The following RBFOX1 variants were observed in gnomAD, a reference collection of about 807,000 sequenced individuals.
RBFOX1 encodes the protein RNA binding protein fox-1 homolog 1.
RBFOX1 carries 8 observed loss-of-function variants against 57.7 expected under a neutral mutation model. That is an observed-to-expected ratio of 0.14 (90% CI 0.08 to 0.25). The LOEUF (loss-of-function observed/expected upper bound fraction) is 0.25. Among genes scored for constraint, RBFOX1 ranks in the 10% least tolerant of loss-of-function variants. The pLI is 1.00. For synonymous variants in RBFOX1, 326 were observed against 222.4 expected (o/e 1.47, Z -4.15); for missense variants, 611 against 548.5 (o/e 1.11, Z -1.14).
rs533240786 is a variant in RBFOX1, at chr16:6,650,620, C to T, written c.-63-3983C>T. Among the ~76,000 whole-genome samples, 13 of 152,294 alleles carry T rather than the reference C, an allele frequency of 8.5e-5. No individual in the cohort carries two copies. In the South Asian group the frequency reaches 1.2e-3, roughly 15 times the overall value. On this transcript the variant is annotated intron_variant, in intron 2 of 15. Coordinates refer to ENST00000550418, the MANE Select transcript of RBFOX1 (RefSeq NM_018723.4). Reference sequence around the variant, plus strand: ...AAAGAGGTATTTAATCATTGCTCACCGGTTCAGTCCCACTTGACTGATAGG... The same window carrying T: ...AAAGAGGTATTTAATCATTGCTCACTGGTTCAGTCCCACTTGACTGATAGG...
At chr16:7,025,531 A>T (rs994254968) in intron 3 of RBFOX1, among the ~76,000 whole-genome samples, 1 of 152,142 alleles carries the variant, frequency 6.6e-6, no homozygotes, top group African/African-American at 2.4e-5. Context: ...CTCTGGTTCA[A>T]ACACCTCTGA....
Position 7,188,341 on chromosome 16 carries a change from T to C in RBFOX1, c.27+136243T>C, listed in dbSNP as rs143778561. Among the ~76,000 whole-genome samples, 24 of 152,322 alleles carry C rather than the reference T, an allele frequency of 1.6e-4. 1 individual carries two copies. The East Asian group carries it at 3.1e-3, about 20-fold the overall frequency. Reference sequence around the variant, plus strand: ...CCTATATTTCCTTTGGCTATCTAAGTCCTGCATTAGAATGTTCTGATATTT... The same window carrying C: ...CCTATATTTCCTTTGGCTATCTAAGCCCTGCATTAGAATGTTCTGATATTT... On this transcript the variant is annotated intron_variant, in intron 4 of 15. Transcript: ENST00000550418.
At chr16:6,994,771 A>T (rs946003491) in intron 3 of RBFOX1, among the ~76,000 whole-genome samples, 1 of 152,190 alleles carries the variant, frequency 6.6e-6, no homozygotes, top group African/African-American at 2.4e-5. Context: ...TGCTTGAAAC[A>T]TTTATATATG....
chr16:5,584,783 C>G lies in RBFOX1; in HGVS notation c.259-14119C>G, dbSNP rs567463581. On this transcript the variant is annotated intron_variant, in intron 2 of 2. Coordinates refer to the RBFOX1 transcript ENST00000585867. ...TACTGCTTGGGCCTGTTTCTTGATT[C>G]AGTGAATTGGCAACTGTATTAGACA... 1.5e-4 allele frequency among the ~76,000 whole-genome samples: 23 copies of G among 152,262 alleles called. No individual in the cohort carries two copies. In the East Asian group the frequency reaches 4.3e-3, roughly 28 times the overall value.
chr16:6,203,713 T>A (rs920625843), intron 1 of RBFOX1, among the ~76,000 whole-genome samples: 1 of 152,164 alleles, frequency 6.6e-6, no homozygotes. Context: ...TTGGTGAAGA[T>A]GTGGAAAGAA....
At chr16:7,503,759 A>G (rs1488804134) in intron 4 of RBFOX1, among the ~76,000 whole-genome samples, 1 of 152,188 alleles carries the variant, frequency 6.6e-6, no homozygotes, top group African/African-American at 2.4e-5. Flanking sequence ...TTCCCTTACA[A>G]AAATTCACTT....
intron 4 of RBFOX1, among the ~76,000 whole-genome samples, chr16:7,356,785 C>A (rs984238300): frequency 5.3e-5 from 8 of 152,182 alleles, no homozygotes; most frequent in African/African-American, 1.9e-4. Flanking sequence ...TTCTGCAGTG[C>A]CTTTTCCAGT....
intron 3 of RBFOX1, among the ~76,000 whole-genome samples, chr16:6,781,915 AGT>A (rs2081083207): frequency 6.6e-6 from 1 of 151,656 alleles, no homozygotes; most frequent in South Asian, 2.1e-4. Flanking sequence ...TCTGATCTTT[AGT>A]GTTTCTTTTC....
intron 3 of RBFOX1, among the ~76,000 whole-genome samples, chr16:5,712,088 A>T (rs145890806): frequency 6.6e-6 from 1 of 152,176 alleles, no homozygotes; most frequent in Non-Finnish European, 1.5e-5. Flanking sequence ...AGAGAAGTGA[A>T]GGGGGAGGAG....
chr16:6,955,515 C>G (rs1433925713), intron 3 of RBFOX1, among the ~76,000 whole-genome samples: 1 of 148,966 alleles, frequency 6.7e-6, no homozygotes, highest in Non-Finnish European at 1.5e-5. Context: ...ATTAAATTAG[C>G]TCATTGCTTG....
At chr16:6,623,944 T>C (rs958450373) in intron 2 of RBFOX1, among the ~76,000 whole-genome samples, 1 of 152,202 alleles carries the variant, frequency 6.6e-6, no homozygotes, top group Non-Finnish European at 1.5e-5. Flanking sequence ...TTATAATCCT[T>C]TGGGTATATA....
chr16:7,038,066 G>C (rs2045057250), intron 3 of RBFOX1, among the ~76,000 whole-genome samples: 1 of 151,910 alleles, frequency 6.6e-6, no homozygotes, highest in African/African-American at 2.4e-5. Flanking sequence ...CAAATGGTAT[G>C]TAAATCCCCC....
intron 4 of RBFOX1, among the ~76,000 whole-genome samples, chr16:7,171,526 C>G (rs1436750539): frequency 1.3e-5 from 2 of 152,188 alleles, no homozygotes; most frequent in Non-Finnish European, 2.9e-5. Flanking sequence ...ACACAAAATT[C>G]AGCACAAGGG....
intron 3 of RBFOX1, among the ~76,000 whole-genome samples, chr16:5,642,594 T>G (rs2048916376): frequency 6.6e-6 from 1 of 152,104 alleles, no homozygotes. Flanking sequence ...TTGTGCAAAC[T>G]TGAATGTGCC....
chr16:5,550,602 A>G (rs118109002), intron 2 of RBFOX1, among the ~76,000 whole-genome samples: 2,720 of 152,290 alleles, frequency 0.018, 41 homozygotes, highest in Non-Finnish European at 0.026. Flanking sequence ...TGTCAATTCA[A>G]TCACCAGCTT....
At chr16:5,968,562 C>A (rs181967294) in intron 4 of RBFOX1, among the ~76,000 whole-genome samples, 1 of 152,116 alleles carries the variant, frequency 6.6e-6, no homozygotes, top group Non-Finnish European at 1.5e-5. Context: ...TTCTGTCAAG[C>A]TACCTGAAAA....
At chr16:5,270,566 G>T (rs911645911) in intron 1 of RBFOX1, 21 of 591,154 alleles carry the variant, frequency 3.6e-5, no homozygotes, top group African/African-American at 3.2e-4. Context: ...GACTACCGAT[G>T]GTTACTTCTT....
chr16:6,518,627 C>G (rs932334438), intron 2 of RBFOX1, among the ~76,000 whole-genome samples: 5 of 152,126 alleles, frequency 3.3e-5, no homozygotes, highest in Non-Finnish European at 7.4e-5. Context: ...CTTGGGGCTT[C>G]TTGACATTGT....
At chr16:5,961,619 A>C (rs981475074) in intron 4 of RBFOX1, among the ~76,000 whole-genome samples, 1 of 152,160 alleles carries the variant, frequency 6.6e-6, no homozygotes, top group African/African-American at 2.4e-5. Context: ...TCCCCAGTTC[A>C]AACAATCCTC....
Sources: allele counts gnomAD v4.1 joint callset (sites outside exome capture counted in the v4.1 genomes callset), GRCh38; gene constraint gnomAD v4.1.1; transcripts MANE v1.5; gene names NCBI Gene and HGNC (gene_info 2026-07-23, HGNC 2026-07-21).